MAN1A1: variants seen among roughly 807,000 people sequenced by gnomAD.
The protein encoded by MAN1A1 is mannosidase alpha class 1A member 1.
MAN1A1 carries 29 observed loss-of-function variants against 70.8 expected under a neutral mutation model. That is an observed-to-expected ratio of 0.41 (90% CI 0.31 to 0.56). The LOEUF (loss-of-function observed/expected upper bound fraction) is 0.56, where lower values mean the gene tolerates loss of function less well. MAN1A1 is among the 20% of genes least tolerant of loss of function. MAN1A1 has a pLI of 0.29. For missense variants in MAN1A1, 747 were observed against 841.3 expected, an observed-to-expected ratio of 0.89 and a Z score of 1.39; for synonymous variants, 349 against 330.1, an observed-to-expected ratio of 1.06 and a Z score of -0.62.
At chr6:119,203,145 CT>C (rs1159196107) in intron 7 of MAN1A1, among the ~76,000 whole-genome samples, 2 of 152,154 alleles carry the variant, frequency 1.3e-5, no homozygotes, top group Non-Finnish European at 2.9e-5. Flanking sequence ...GCCTCCAGAA[CT>C]GTAAGAAATA....
At chr6:119,222,537 G>A (rs1358662901) in intron 6 of MAN1A1, among the ~76,000 whole-genome samples, 1 of 151,968 alleles carries the variant, frequency 6.6e-6, no homozygotes, top group Non-Finnish European at 1.5e-5. Flanking sequence ...ATGTTGCCCA[G>A]GCTGGTCTCA....
At chr6:119,304,396 A>G (rs1365692069) in intron 3 of MAN1A1, among the ~76,000 whole-genome samples, 1 of 152,120 alleles carries the variant, frequency 6.6e-6, no homozygotes, top group African/African-American at 2.4e-5. Flanking sequence ...TTTCATTTCT[A>G]AGTTATTAAG....
intron 2 of MAN1A1, among the ~76,000 whole-genome samples, chr6:119,325,448 A>C (rs1773120908): frequency 6.6e-6 from 1 of 152,218 alleles, no homozygotes; most frequent in African/African-American, 2.4e-5. Context: ...ACTTGAGGTC[A>C]GAAGTTTGAG....
At chr6:119,240,404 C>T (rs1774971485) in intron 6 of MAN1A1, among the ~76,000 whole-genome samples, 1 of 152,082 alleles carries the variant, frequency 6.6e-6, no homozygotes, top group South Asian at 2.1e-4. Flanking sequence ...ATGTCAATTT[C>T]CTGCTCTTGC....
intron 6 of MAN1A1, among the ~76,000 whole-genome samples, chr6:119,220,371 T>C (rs1774326072): frequency 6.6e-6 from 1 of 152,206 alleles, no homozygotes; most frequent in Non-Finnish European, 1.5e-5. Flanking sequence ...AATTTTAATT[T>C]AATTAAACAT....
intron 2 of MAN1A1, among the ~76,000 whole-genome samples, chr6:119,308,829 C>A (rs968722557): frequency 2.0e-5 from 3 of 152,154 alleles, no homozygotes; most frequent in East Asian, 1.9e-4. Context: ...AATTCAAAAG[C>A]TTTTGGAATA....
intron 12 of MAN1A1, 92 bp from the exon 13 acceptor site, chr6:119,180,037 T>C: frequency 7.6e-7 from 1 of 1,321,044 alleles, no homozygotes; most frequent in Non-Finnish European, 1.1e-6. Flanking sequence ...AATGTCTGCA[T>C]TCATCTTACC....
chr6:119,271,499 C>T (rs934043786), intron 5 of MAN1A1, among the ~76,000 whole-genome samples: 1 of 151,756 alleles, frequency 6.6e-6, no homozygotes. Context: ...TTCAAGTAGC[C>T]CCATCTTTTT....
Position 119,349,025 on chromosome 6 carries a change from G to C in MAN1A1, c.41C>G (p.Ala14Gly). The change falls in exon 2 of 13, where the codon GCG becomes GGG. Residue 14 changes from alanine to glycine, a missense_variant. Physicochemically the swap from Ala to Gly is moderately conservative, Grantham distance 60. Around this residue, in one of 2 missense-constraint regions of MAN1A1, gnomAD observed 328 missense variants for 293.1 expected, o/e 1.12. Coordinates refer to ENST00000368468, the MANE Select transcript of MAN1A1 (RefSeq NM_005907.4). The stretch of plus-strand genomic sequence containing the variant: ...GAGCCCCCCGCCCAGGACGCCGCCC[G>C]CGGGGCTGCTGAAGAGCGGCAACAG... Reference protein sequence around the residue: ...GGLLPLFSSPAGGVLGGGLGG... With the variant: ...GGLLPLFSSPGGGVLGGGLGG... 7.3e-7 allele frequency: 1 copy of C among 1,360,876 alleles called. No individual in the cohort carries two copies. Among genetic ancestry groups the C allele is most frequent in the Non-Finnish European group, 9.5e-7 (1 of 1,053,120 alleles). The allele number at this position is 1,360,876 out of a possible 1,614,324, so 84.3% of individuals were successfully genotyped here.
intron 2 of MAN1A1, chr6:119,327,386 TTTTTG>T (rs374668498): frequency 0.23 from 28,714 of 126,748 alleles, 3,452 homozygotes; most frequent in Non-Finnish European, 0.27. Context: ...CCGTTTTTTT[TTTTTG>T]TTTTTTTTTT....
intron 6 of MAN1A1, among the ~76,000 whole-genome samples, chr6:119,233,356 C>A (rs1034793458): frequency 6.6e-6 from 1 of 152,016 alleles, no homozygotes; most frequent in African/African-American, 2.4e-5. Context: ...AAGAGTGTGC[C>A]GCAAATTTAG....
chr6:119,260,541 T>C (rs893137861), intron 5 of MAN1A1, among the ~76,000 whole-genome samples: 19 of 152,358 alleles, frequency 1.2e-4, no homozygotes, highest in African/African-American at 4.3e-4. Context: ...TCACTAACTA[T>C]AGCTGTAGGG....
At chr6:119,278,540 CG>C (rs1407414990) in intron 5 of MAN1A1, among the ~76,000 whole-genome samples, 5 of 151,894 alleles carry the variant, frequency 3.3e-5, no homozygotes, top group Non-Finnish European at 5.9e-5. Context: ...ATCACTTCAC[CG>C]GTACTTAGTT....
intron 9 of MAN1A1, among the ~76,000 whole-genome samples, chr6:119,191,711 T>C (rs1444864994): frequency 1.3e-5 from 2 of 152,042 alleles, no homozygotes; most frequent in Non-Finnish European, 2.9e-5. Context: ...TGATAGCCAG[T>C]TGAAAGCTCA....
intron 5 of MAN1A1, among the ~76,000 whole-genome samples, chr6:119,249,320 T>C (rs577364297): frequency 3.3e-5 from 5 of 152,262 alleles, no homozygotes; most frequent in Admixed American, 3.3e-4. Flanking sequence ...CTGGTTAGAA[T>C]GGAAAAATAA....
chr6:119,271,640 C>T (rs1196893973), intron 5 of MAN1A1, among the ~76,000 whole-genome samples: 2 of 151,998 alleles, frequency 1.3e-5, no homozygotes, highest in South Asian at 2.1e-4. Flanking sequence ...GCTGGGGTTA[C>T]AGGCATGCAC....
intron 5 of MAN1A1, among the ~76,000 whole-genome samples, chr6:119,272,073 A>T (rs1245607684): frequency 1.3e-5 from 2 of 152,250 alleles, no homozygotes; most frequent in Non-Finnish European, 2.9e-5. Context: ...TCAAATTTAC[A>T]CATGGCTTCA....
At chr6:119,345,249 AG>A (rs1435768532) in intron 2 of MAN1A1, among the ~76,000 whole-genome samples, 14 of 152,102 alleles carry the variant, frequency 9.2e-5, no homozygotes, top group East Asian at 3.8e-4. Flanking sequence ...TAAAAAAAAA[AG>A]TAAATGGACT....
At chr6:119,183,291 A>C (rs1773200006) in intron 11 of MAN1A1, among the ~76,000 whole-genome samples, 1 of 152,192 alleles carries the variant, frequency 6.6e-6, no homozygotes, top group African/African-American at 2.4e-5. Context: ...AGAAAATAAG[A>C]CCGATCAACT....
Sources: gnomAD v4.1 joint callset for allele counts (sites outside exome capture counted in the v4.1 genomes callset) on GRCh38, gnomAD v4.1.1 for gene constraint, gnomAD v4.1.1 regional missense constraint, MANE v1.5 for transcripts, NCBI Gene and HGNC (gene_info 2026-07-23, HGNC 2026-07-21) for gene names.